The following PACRG variants were observed in gnomAD, a reference collection of about 807,000 sequenced individuals.
PACRG encodes the protein parkin coregulated.
In PACRG, 29 loss-of-function variants were observed where a neutral mutation model predicts 29.7. The observed-to-expected ratio is 0.98, with a 90% CI of 0.73 to 1.33. PACRG has a LOEUF of 1.33. PACRG is among the 40% of genes most tolerant of loss of function. PACRG has a pLI of 0.00. For missense variants in PACRG, 279 were observed against 316.2 expected (o/e 0.88, Z 0.89); for synonymous variants, 116 against 118.7 (o/e 0.98, Z 0.15).
intron 2 of PACRG, among the ~76,000 whole-genome samples, chr6:162,935,683 T>A (rs6936517): frequency 0.54 from 81,937 of 151,844 alleles, 22,725 homozygotes; most frequent in Middle Eastern, 0.7. Flanking sequence ...ATTTCATAGA[T>A]TTTCTTTTCT....
rs527742366 is a variant in PACRG at position 163,189,302 on chromosome 6, A to G, written c.613+99894A>G. ...ACTAATTTTGGTTTTAGTTAGTGCA[A>G]TTCTGTAGGTGGACATTTAGCCAGT... On this transcript the variant is annotated intron_variant, in intron 4 of 4. Coordinates refer to ENST00000366888, the MANE Select transcript of PACRG (RefSeq NM_001080379.2). 6.7e-4 allele frequency: 102 copies of G among 152,358 alleles called. 1 individual carries two copies. Among genetic ancestry groups the G allele is most frequent in the African/African-American group, 2.4e-3 (100 of 41,582 alleles). The allele number at this position is 152,358 out of a possible 1,614,324, so 9.4% of individuals were successfully genotyped here.
chr6:163,118,513 T>A (rs1039362598), intron 4 of PACRG, among the ~76,000 whole-genome samples: 1 of 152,208 alleles, frequency 6.6e-6, no homozygotes, highest in African/African-American at 2.4e-5. Context: ...TATTTATAGA[T>A]CCCCGTTTCT....
At chr6:163,097,489 A>G (rs114948207) in intron 4 of PACRG, among the ~76,000 whole-genome samples, 1,627 of 152,356 alleles carry the variant, frequency 0.011, 32 homozygotes, top group African/African-American at 0.038. Flanking sequence ...TAAAATATTT[A>G]AAGAGGCTTA....
At chr6:162,899,479 T>G (rs1795402276) in intron 2 of PACRG, among the ~76,000 whole-genome samples, 1 of 152,094 alleles carries the variant, frequency 6.6e-6, no homozygotes, top group South Asian at 2.1e-4. Flanking sequence ...TGCCGGACCT[T>G]CTGAGTGAGT....
intron 4 of PACRG, among the ~76,000 whole-genome samples, chr6:163,167,041 T>A (rs1321077396): frequency 6.6e-6 from 1 of 152,250 alleles, no homozygotes; most frequent in Non-Finnish European, 1.5e-5. Flanking sequence ...TAGCAGAATA[T>A]GTCTCACTGT....
chr6:162,739,752 G>C (rs929806453), intron 1 of PACRG, among the ~76,000 whole-genome samples: 6 of 151,412 alleles, frequency 4.0e-5, no homozygotes, highest in Non-Finnish European at 5.9e-5. Context: ...TGAGGCAGGG[G>C]ACTCACTTGA....
At chr6:162,737,503 A>G (rs888644799) in intron 1 of PACRG, among the ~76,000 whole-genome samples, 1 of 152,128 alleles carries the variant, frequency 6.6e-6, no homozygotes, top group African/African-American at 2.4e-5. Context: ...TTTATTCCCC[A>G]TTGCTTTGTG....
At chr6:162,895,733 C>A (rs997543040) in intron 2 of PACRG, among the ~76,000 whole-genome samples, 1 of 152,204 alleles carries the variant, frequency 6.6e-6, no homozygotes, top group Non-Finnish European at 1.5e-5. Flanking sequence ...TTAGCAATAA[C>A]TGCACAGAGA....
At chr6:163,261,360 G>A (rs1783318501) in intron 4 of PACRG, among the ~76,000 whole-genome samples, 1 of 152,072 alleles carries the variant, frequency 6.6e-6, no homozygotes, top group Non-Finnish European at 1.5e-5. Context: ...CCGTCATCTA[G>A]GTTTTAAACC....
chr6:162,989,629 A>T (rs58446108), intron 2 of PACRG, among the ~76,000 whole-genome samples: 14,576 of 152,226 alleles, frequency 0.096, 1,986 homozygotes, highest in African/African-American at 0.3. Context: ...TACAGACACA[A>T]CAAATCCATT....
chr6:162,957,322 A>G, intron 2 of PACRG: 1 of 591,974 alleles, frequency 1.7e-6, no homozygotes, highest in Non-Finnish European at 3.1e-6. Flanking sequence ...CCTGTCCTGA[A>G]CACATTTAGC....
intron 2 of PACRG, among the ~76,000 whole-genome samples, chr6:162,850,386 T>C (rs1347866853): frequency 6.6e-6 from 1 of 152,192 alleles, no homozygotes; most frequent in Non-Finnish European, 1.5e-5. Flanking sequence ...ATGATATCCT[T>C]TTTTATGCAA....
Position 163,118,711 on chromosome 6 carries a change from T to C in PACRG, c.613+29303T>C, listed in dbSNP as rs555202098. On this transcript the variant is annotated intron_variant, in intron 4 of 4. Transcript: ENST00000366888. ...CATTTCTTAGGAGACATCTGGTTTC[T>C]AACTGGTTTGACTTAATAAGGTAAC... 2.0e-5 allele frequency among the ~76,000 whole-genome samples: 3 copies of C among 152,360 alleles called. No homozygotes were observed. In the South Asian group the frequency reaches 6.2e-4, roughly 32 times the overall value.
intron 3 of PACRG, among the ~76,000 whole-genome samples, chr6:163,076,723 A>G (rs1812582455): frequency 1.3e-5 from 2 of 152,076 alleles, no homozygotes; most frequent in Non-Finnish European, 2.9e-5. Context: ...ATTTTTCGGA[A>G]TGCCCATTCT....
chr6:163,058,682 G>A (rs550885422), intron 2 of PACRG, among the ~76,000 whole-genome samples: 6 of 152,298 alleles, frequency 3.9e-5, no homozygotes, highest in African/African-American at 7.2e-5. Flanking sequence ...GGATCATGAG[G>A]TCAGGAGATC....
chr6:162,810,142 G>A (rs1786719210), intron 1 of PACRG, among the ~76,000 whole-genome samples: 1 of 152,078 alleles, frequency 6.6e-6, no homozygotes, highest in African/African-American at 2.4e-5. Context: ...GGCCTAGTGG[G>A]TTCTGGAATC....
At chr6:163,040,650 T>C (rs538472529) in intron 2 of PACRG, among the ~76,000 whole-genome samples, 58 of 152,342 alleles carry the variant, frequency 3.8e-4, no homozygotes, top group African/African-American at 1.4e-3. Context: ...ATGTAAAATA[T>C]GGAGTCAAAG....
intron 4 of PACRG, among the ~76,000 whole-genome samples, chr6:163,112,568 C>T (rs940693377): frequency 3.9e-5 from 6 of 152,066 alleles, no homozygotes; most frequent in African/African-American, 1.4e-4. Context: ...TCTCCTTCCC[C>T]CTCATTTTTC....
At chr6:162,854,893 T>C (rs1220210856) in intron 2 of PACRG, among the ~76,000 whole-genome samples, 1 of 152,162 alleles carries the variant, frequency 6.6e-6, no homozygotes, top group Non-Finnish European at 1.5e-5. Flanking sequence ...CCTTTGGAGG[T>C]GCACAGAGTC....
Sources: allele counts gnomAD v4.1 joint callset (sites outside exome capture counted in the v4.1 genomes callset), GRCh38; gene constraint gnomAD v4.1.1; transcripts MANE v1.5; gene names NCBI Gene and HGNC (gene_info 2026-07-23, HGNC 2026-07-21).